FANCL: variants seen among roughly 807,000 people sequenced by gnomAD.
The protein encoded by FANCL is FA complementation group L.
Under a neutral mutation model 59.4 loss-of-function variants are expected in FANCL, and 69 were observed. That is an observed-to-expected ratio of 1.16 (90% confidence interval 0.96 to 1.42). The LOEUF (loss-of-function observed/expected upper bound fraction) is 1.42, where lower values mean the gene tolerates loss of function less well. Ranked by LOEUF, FANCL falls within the 40% of genes most tolerant of loss-of-function variation. The pLI, the probability that FANCL is intolerant of heterozygous loss-of-function variation, is 0.00. For synonymous variants in FANCL, 180 were observed against 147.1 expected (o/e 1.22, Z -1.62); for missense variants, 519 against 447.2 (o/e 1.16, Z -1.45).
intron 5 of FANCL, chr2:58,213,521 T>G (rs1691390294): frequency 6.6e-6 from 1 of 152,216 alleles, no homozygotes; most frequent in South Asian, 2.1e-4. Flanking sequence ...AAAACATTCT[T>G]TATTTTTAAA....
intron 7 of FANCL, among the ~76,000 whole-genome samples, chr2:58,188,810 G>A (rs1021038078): frequency 6.6e-6 from 1 of 151,408 alleles, no homozygotes; most frequent in Middle Eastern, 3.5e-3. Flanking sequence ...GATTGCGAAT[G>A]CATTGAATCT....
intron 6 of FANCL, among the ~76,000 whole-genome samples, chr2:58,201,355 G>A (rs1048224478): frequency 6.6e-6 from 1 of 151,180 alleles, no homozygotes; most frequent in African/African-American, 2.4e-5. Flanking sequence ...CTCATTTGCA[G>A]AAAATCAAAT....
At chr2:58,182,375 A>G (rs1235501935) in intron 7 of FANCL, among the ~76,000 whole-genome samples, 1 of 151,884 alleles carries the variant, frequency 6.6e-6, no homozygotes, top group Non-Finnish European at 1.5e-5. Context: ...AATGAAGAAT[A>G]GCCATGCTTG....
chr2:58,233,458 A>G (rs1449295492), intron 1 of FANCL, among the ~76,000 whole-genome samples: 1 of 152,082 alleles, frequency 6.6e-6, no homozygotes, highest in Non-Finnish European at 1.5e-5. Context: ...GCTTTCAGGC[A>G]ACAGAAATAC....
Position 58,211,261 on chromosome 2 carries a change from T to C in FANCL, c.375-7035A>G, listed in dbSNP as rs2105201285. Among the ~76,000 whole-genome samples the C allele has an allele frequency of 1.3e-5, 2 of 152,286 alleles. 1 individual carries two copies. The highest frequency in any genetic ancestry group is 4.1e-4 in the South Asian group (2 of 4,824). On this transcript the variant is annotated intron_variant, in intron 5 of 13. Coordinates refer to ENST00000233741, the MANE Select transcript of FANCL (RefSeq NM_018062.4). Reference sequence around the variant, plus strand: ...CTGTGCACCCACAGGCTCAACAACATGTGGAAGCTGCCAAGGCTTGGGGTT... The same window carrying C: ...CTGTGCACCCACAGGCTCAACAACACGTGGAAGCTGCCAAGGCTTGGGGTT...
At chr2:58,178,532 C>T (rs1459867953) in intron 7 of FANCL, among the ~76,000 whole-genome samples, 1 of 151,980 alleles carries the variant, frequency 6.6e-6, no homozygotes, top group African/African-American at 2.4e-5. Context: ...AATTCAATAC[C>T]CCTTCATGCT....
At position 58,217,030 on chromosome 2, in the gene FANCL, CTG is replaced by C. The variant is rs1250376131; in HGVS notation, c.374+4910_374+4911del. Reference sequence around the variant, plus strand: ...GGAGGGGAATAAGGAATTGCAGACTCTGTATGACTGAAATAAAGAGAAATAAA... The same window carrying C: ...GGAGGGGAATAAGGAATTGCAGACTCTATGACTGAAATAAAGAGAAATAAA... On this transcript the variant is annotated intron_variant, in intron 5 of 13. Coordinates refer to ENST00000233741, the MANE Select transcript of FANCL (RefSeq NM_018062.4). 6.7e-5 allele frequency among the ~76,000 whole-genome samples: 10 copies of C among 149,180 alleles called. No homozygotes were observed. In the East Asian group the frequency reaches 2.0e-3, roughly 29 times the overall value.
chr2:58,235,429 T>G (rs1693923792), intron 1 of FANCL, among the ~76,000 whole-genome samples: 1 of 152,254 alleles, frequency 6.6e-6, no homozygotes, highest in South Asian at 2.1e-4. Flanking sequence ...TTGTAGAGAC[T>G]AACTACCTTA....
chr2:58,159,915 C>G, intron 13 of FANCL, 115 bp from the exon 14 acceptor site: 10 of 1,541,566 alleles, frequency 6.5e-6, no homozygotes, highest in Non-Finnish European at 8.7e-6. Flanking sequence ...GAAAACACTT[C>G]TGAAGTTTCA....
At chr2:58,234,317 G>A (rs2103954267) in intron 1 of FANCL, among the ~76,000 whole-genome samples, 1 of 151,764 alleles carries the variant, frequency 6.6e-6, no homozygotes, top group Non-Finnish European at 1.5e-5. Flanking sequence ...AAATGAATGA[G>A]CTGAATAAAC....
chr2:58,173,348 G>T (rs1315809512), intron 7 of FANCL, among the ~76,000 whole-genome samples: 10 of 152,142 alleles, frequency 6.6e-5, no homozygotes, highest in African/African-American at 2.4e-4. Flanking sequence ...ATTCACCAAA[G>T]TTGAAATGAA....
chr2:58,212,318 T>C (rs750865052), intron 5 of FANCL, among the ~76,000 whole-genome samples: 1 of 152,164 alleles, frequency 6.6e-6, no homozygotes, highest in Non-Finnish European at 1.5e-5. Flanking sequence ...GAGAACAGTA[T>C]GGGGGAAACT....
chr2:58,208,396 A>G (rs1385303831), intron 5 of FANCL, among the ~76,000 whole-genome samples: 1 of 152,190 alleles, frequency 6.6e-6, no homozygotes, highest in African/African-American at 2.4e-5. Flanking sequence ...ATTTCTTTAT[A>G]AGTTAAATTT....
At chr2:58,188,962 T>C (rs1688671055) in intron 7 of FANCL, among the ~76,000 whole-genome samples, 1 of 152,178 alleles carries the variant, frequency 6.6e-6, no homozygotes, top group Non-Finnish European at 1.5e-5. Context: ...TACAACATGG[T>C]TGAATCTCCA....
chr2:58,193,863 C>T (rs192923552), intron 7 of FANCL, among the ~76,000 whole-genome samples: 10 of 152,200 alleles, frequency 6.6e-5, no homozygotes, highest in African/African-American at 2.2e-4. Context: ...ACAGTACATA[C>T]GAACTGAGGC....
chr2:58,192,199 C>T (rs1470652024), intron 7 of FANCL, among the ~76,000 whole-genome samples: 1 of 151,930 alleles, frequency 6.6e-6, no homozygotes. Flanking sequence ...TGCCATTCCA[C>T]AAGTATCTCA....
chr2:58,174,575 G>A (rs1687071126), intron 7 of FANCL, among the ~76,000 whole-genome samples: 2 of 152,262 alleles, frequency 1.3e-5, no homozygotes, highest in South Asian at 4.1e-4. Context: ...AAATAAAGAT[G>A]TTCTTTGAAA....
chr2:58,222,104 T>G (rs978610447), intron 4 of FANCL, 62 bp from the exon 5 acceptor site: 4 of 1,143,642 alleles, frequency 3.5e-6, no homozygotes, highest in Non-Finnish European at 5.2e-6. Context: ...TGTTAATACC[T>G]GATTGCAAAA....
chr2:58,163,185 A>G, intron 9 of FANCL, 111 bp from the exon 10 acceptor site: 2 of 991,530 alleles, frequency 2.0e-6, no homozygotes, highest in Non-Finnish European at 3.0e-6. Context: ...TCAAAATTAT[A>G]TGTATTATGT....
Sources: gnomAD v4.1 joint callset for allele counts (sites outside exome capture counted in the v4.1 genomes callset) on GRCh38, gnomAD v4.1.1 for gene constraint, MANE v1.5 for transcripts, NCBI Gene and HGNC (gene_info 2026-07-23, HGNC 2026-07-21) for gene names.